The following CACNA2D1 variants were observed in gnomAD, a reference collection of about 807,000 sequenced individuals.
The protein encoded by CACNA2D1 is voltage-dependent calcium channel subunit alpha-2/delta-1.
CACNA2D1 carries 53 observed loss-of-function variants against 171.5 expected under a neutral mutation model. The ratio of observed to expected loss-of-function variants is 0.31; its 90% CI spans 0.25 to 0.39. The LOEUF (loss-of-function observed/expected upper bound fraction) is 0.39, where lower values mean the gene tolerates loss of function less well. Among genes scored for constraint, CACNA2D1 ranks in the 10% least tolerant of loss-of-function variants. The probability of loss-of-function intolerance (pLI) is 1.00; values close to 1 mark genes in which losing one functional copy is unlikely to be tolerated. For synonymous variants in CACNA2D1, 442 were observed against 443.1 expected (o/e 1.00, Z 0.03); for missense variants, 903 against 1,299.8 (o/e 0.69, Z 4.69).
intron 4 of CACNA2D1, among the ~76,000 whole-genome samples, chr7:82,144,791 A>G (rs1410901451): frequency 2.6e-5 from 4 of 152,090 alleles, no homozygotes; most frequent in Non-Finnish European, 4.4e-5. Context: ...CTTTAAAATT[A>G]GTTGCATAAT....
At chr7:82,219,520 T>C (rs1801525965) in intron 3 of CACNA2D1, among the ~76,000 whole-genome samples, 1 of 152,102 alleles carries the variant, frequency 6.6e-6, no homozygotes, top group Non-Finnish European at 1.5e-5. Flanking sequence ...ATCCATTATC[T>C]ATTGTATTTA....
intron 4 of CACNA2D1, among the ~76,000 whole-genome samples, chr7:82,157,491 C>T (rs1018006901): frequency 4.6e-5 from 7 of 151,904 alleles, no homozygotes; most frequent in African/African-American, 1.4e-4. Context: ...GATTAAAATC[C>T]AGGTTATTAA....
intron 3 of CACNA2D1, among the ~76,000 whole-genome samples, chr7:82,179,496 G>C (rs1479492482): frequency 6.6e-6 from 1 of 152,040 alleles, no homozygotes; most frequent in African/African-American, 2.4e-5. Flanking sequence ...CTGCATTCTG[G>C]TATGTCACAC....
At position 81,983,246 on chromosome 7, in the gene CACNA2D1, A is replaced by T. The variant is rs527977238; in HGVS notation, c.1894+68T>A. On this transcript the variant is annotated intron_variant, in intron 23 of 38. Coordinates refer to ENST00000356860, the MANE Select transcript of CACNA2D1 (RefSeq NM_000722.4). ...GCACAGAGGATAATATCCAATAGGA[A>T]GGAAAATATCAGTGGAAATGTCAAG... 9.2e-6 allele frequency: 12 copies of T among 1,301,516 alleles called. No individual in the cohort carries two copies. The South Asian group carries it at 1.4e-4, about 16-fold the overall frequency. The allele number at this position is 1,301,516 out of a possible 1,614,324, so 80.6% of individuals were successfully genotyped here. A position where few individuals can be genotyped will look rare whatever the true frequency, so the allele number is the denominator to read the frequency against.
chr7:82,131,165 G>C (rs1790935201), intron 5 of CACNA2D1, among the ~76,000 whole-genome samples: 1 of 152,064 alleles, frequency 6.6e-6, no homozygotes, highest in Admixed American at 6.6e-5. Context: ...ACAGTAAACT[G>C]CAGCCTAACT....
intron 22 of CACNA2D1, among the ~76,000 whole-genome samples, chr7:81,984,293 T>C (rs1355331730): frequency 6.6e-6 from 1 of 152,150 alleles, no homozygotes; most frequent in African/African-American, 2.4e-5. Context: ...GAGTAGAGAC[T>C]ATGTTGATAA....
chr7:82,099,058 G>C (rs1469389441), intron 6 of CACNA2D1, among the ~76,000 whole-genome samples: 1 of 151,972 alleles, frequency 6.6e-6, no homozygotes, highest in Non-Finnish European at 1.5e-5. Context: ...TTCCCAAAAC[G>C]CATTTGCCTT....
intron 3 of CACNA2D1, among the ~76,000 whole-genome samples, chr7:82,253,805 TGAATTTAGTATGTTCCCACATG>T (rs1805956725): frequency 6.6e-6 from 1 of 152,204 alleles, no homozygotes; most frequent in Non-Finnish European, 1.5e-5. Context: ...TACTGAACCT[TGAATTTAGTATGTTCCCACATG>T]GCTAAGAAAC....
chr7:82,307,439 G>A (rs1032085745), intron 3 of CACNA2D1, among the ~76,000 whole-genome samples: 2 of 151,216 alleles, frequency 1.3e-5, no homozygotes, highest in African/African-American at 2.4e-5. Flanking sequence ...TTACAGGAGC[G>A]AGCCACCATG....
At chr7:82,152,174 C>T (rs565160693) in intron 4 of CACNA2D1, among the ~76,000 whole-genome samples, 1 of 151,680 alleles carries the variant, frequency 6.6e-6, no homozygotes, top group Non-Finnish European at 1.5e-5. Context: ...TAATAATATG[C>T]CTTCCATTTA....
intron 26 of CACNA2D1, among the ~76,000 whole-genome samples, chr7:81,971,419 T>A (rs1032780488): frequency 6.6e-6 from 1 of 151,608 alleles, no homozygotes; most frequent in Non-Finnish European, 1.5e-5. Context: ...AGATTTTAAA[T>A]AAGAATCATA....
At chr7:82,422,132 G>A (rs1335316814) in intron 1 of CACNA2D1, among the ~76,000 whole-genome samples, 3 of 152,104 alleles carry the variant, frequency 2.0e-5, no homozygotes, top group Non-Finnish European at 4.4e-5. Flanking sequence ...AAATATTCAT[G>A]TTTAAGGGTC....
chr7:82,373,062 T>C (rs1822588947), intron 1 of CACNA2D1, among the ~76,000 whole-genome samples: 1 of 152,096 alleles, frequency 6.6e-6, no homozygotes, highest in African/African-American at 2.4e-5. Flanking sequence ...CACACGCCTG[T>C]AGTCCCAGCT....
At chr7:82,085,863 T>C (rs745405500) in intron 6 of CACNA2D1, among the ~76,000 whole-genome samples, 2 of 152,160 alleles carry the variant, frequency 1.3e-5, no homozygotes, top group South Asian at 2.1e-4. Context: ...ATAATATGGG[T>C]TAAGTGTAAG....
intron 12 of CACNA2D1, chr7:82,029,030 T>C (rs1295368374): frequency 6.6e-6 from 1 of 151,778 alleles, no homozygotes; most frequent in African/African-American, 2.4e-5. Context: ...CAAATAGCAC[T>C]GCATACTACA....
intron 2 of CACNA2D1, among the ~76,000 whole-genome samples, chr7:82,338,206 A>C (rs2129444669): frequency 6.6e-6 from 1 of 152,274 alleles, no homozygotes; most frequent in African/African-American, 2.4e-5. Context: ...TCAATGATAT[A>C]ATTGCTTAAC....
At chr7:81,985,069 G>A (rs1484330034) in intron 21 of CACNA2D1, among the ~76,000 whole-genome samples, 1 of 151,842 alleles carries the variant, frequency 6.6e-6, no homozygotes, top group Non-Finnish European at 1.5e-5. Flanking sequence ...TTAGGGGTAT[G>A]TTTAAACAAG....
chr7:82,258,959 G>T (rs1806708184), intron 3 of CACNA2D1, among the ~76,000 whole-genome samples: 1 of 150,846 alleles, frequency 6.6e-6, no homozygotes, highest in Admixed American at 6.6e-5. Flanking sequence ...CTCCACAGTA[G>T]CTGGGGTTAC....
Position 81,959,703 on chromosome 7 carries a change from C to T in CACNA2D1, c.3076+17G>A, listed in dbSNP as rs202102234. ...AGATGGTTTTCCTTTCCAGATAGCT[C>T]TGATGTCAAAGGATACAAGTCTGCT... On this transcript the variant is annotated intron_variant, in intron 37 of 38. Coordinates refer to ENST00000356860, the MANE Select transcript of CACNA2D1 (RefSeq NM_000722.4). 3 of 1,609,028 alleles carry T rather than the reference C, an allele frequency of 1.9e-6. No homozygotes were observed. The highest frequency in any genetic ancestry group is 3.4e-5 in the Admixed American group (2 of 59,674).
Sources: gnomAD v4.1 joint callset for allele counts (sites outside exome capture counted in the v4.1 genomes callset) on GRCh38, gnomAD v4.1.1 for gene constraint, MANE v1.5 for transcripts, NCBI Gene and HGNC (gene_info 2026-07-23, HGNC 2026-07-21) for gene names.